The following RAB22A variants were observed in gnomAD, a reference collection of about 807,000 sequenced individuals.
RAB22A encodes RAB22A, member RAS oncogene family, also known as ras-related protein Rab-22A.
Under a neutral mutation model 30.2 loss-of-function variants are expected in RAB22A, and 13 were observed. The ratio of observed to expected loss-of-function variants is 0.43; its 90% CI spans 0.28 to 0.68. The LOEUF is 0.68. Among genes scored for constraint, RAB22A ranks in the 30% least tolerant of loss-of-function variants. The pLI is 0.18. For missense variants in RAB22A, 177 were observed against 246.8 expected (o/e 0.72, Z 1.89); for synonymous variants, 89 against 87.2 (o/e 1.02, Z -0.11).
chr20:58,313,917 A>G (rs1441251362), intron 2 of RAB22A, among the ~76,000 whole-genome samples: 1 of 152,218 alleles, frequency 6.6e-6, no homozygotes, highest in African/African-American at 2.4e-5. Flanking sequence ...CACAAACCCA[A>G]AAATATTTGC....
At chr20:58,330,415 G>A (rs1435993594) in intron 2 of RAB22A, among the ~76,000 whole-genome samples, 8 of 151,426 alleles carry the variant, frequency 5.3e-5, no homozygotes, top group Admixed American at 3.3e-4. Context: ...TCATTCCAGC[G>A]TCTGGATCAT....
At chr20:58,324,737 C>T (rs1600726921) in intron 2 of RAB22A, among the ~76,000 whole-genome samples, 2 of 151,268 alleles carry the variant, frequency 1.3e-5, no homozygotes, top group South Asian at 4.2e-4. Context: ...CATGGGGGCA[C>T]ATGCCTGTAG....
intron 3 of RAB22A, among the ~76,000 whole-genome samples, chr20:58,351,275 G>T (rs532444974): frequency 6.6e-6 from 1 of 151,616 alleles, no homozygotes; most frequent in Admixed American, 6.6e-5. Flanking sequence ...GGCAGAGCTT[G>T]CAGTGAGCCA....
Position 58,354,220 on chromosome 20 carries a change from A to T in RAB22A, c.442A>T (p.Ser148Cys), listed in dbSNP as rs1987098639. 6.2e-7 allele frequency: 1 copy of T among 1,613,824 alleles called. No homozygotes were observed. Residue 148 changes from serine (S) to cysteine (C), a missense_variant, in exon 6 of 7, where the codon AGC becomes TGC. Ser to Cys is a moderately radical substitution (Grantham distance 112). Transcript: ENST00000244040. ...DSIHAIFVET[S>C]AKNAININEL... ...TATTCATGCAATTTTTGTAGAGACC[A>T]GCGCAAAAAACGCGATAAACATAAA...
chr20:58,332,925 T>C (rs1317295828), intron 2 of RAB22A, among the ~76,000 whole-genome samples: 1 of 152,112 alleles, frequency 6.6e-6, no homozygotes, highest in Non-Finnish European at 1.5e-5. Flanking sequence ...CTCTGACTTT[T>C]CAGCACAAAC....
chr20:58,326,981 G>C (rs951494893), intron 2 of RAB22A, among the ~76,000 whole-genome samples: 8 of 152,140 alleles, frequency 5.3e-5, no homozygotes, highest in African/African-American at 1.9e-4. Context: ...AAGTTTTCTT[G>C]TGTTTCTGGT....
At chr20:58,334,467 T>G (rs536996963) in intron 2 of RAB22A, among the ~76,000 whole-genome samples, 5 of 152,034 alleles carry the variant, frequency 3.3e-5, no homozygotes, top group African/African-American at 1.2e-4. Context: ...GCCATATAAA[T>G]AATTATATTG....
intron 2 of RAB22A, among the ~76,000 whole-genome samples, chr20:58,324,904 G>A (rs1300277910): frequency 1.0e-4 from 13 of 126,616 alleles, no homozygotes; most frequent in Non-Finnish European, 1.8e-4. Context: ...CGCCAGGCCC[G>A]GTGGCTCACA....
At chr20:58,351,003 T>C (rs1402853753) in intron 3 of RAB22A, among the ~76,000 whole-genome samples, 1 of 152,184 alleles carries the variant, frequency 6.6e-6, no homozygotes, top group East Asian at 1.9e-4. Context: ...GTCTCTGATA[T>C]TTTACATGAA....
chr20:58,320,676 A>C (rs1986436563), intron 2 of RAB22A, among the ~76,000 whole-genome samples: 1 of 152,110 alleles, frequency 6.6e-6, no homozygotes, highest in Non-Finnish European at 1.5e-5. Context: ...GACTTCTTTG[A>C]GCATTGGTGT....
chr20:58,329,196 G>A (rs2122941306), intron 2 of RAB22A, among the ~76,000 whole-genome samples: 1 of 152,160 alleles, frequency 6.6e-6, no homozygotes, highest in East Asian at 1.9e-4. Context: ...TGGGATTACA[G>A]GCGCCTGCCA....
rs1318122059 is a variant in RAB22A, at chr20:58,315,468, A to G, written c.116+4346A>G. On this transcript the variant is annotated intron_variant, in intron 2 of 6. Transcript: ENST00000244040. ...ATCATGGGGAAGAGCATGGGCCTTGAAGAACCATGCTCCCTAGACTTAGGG... is the reference window on the plus strand; with the variant it reads ...ATCATGGGGAAGAGCATGGGCCTTGGAGAACCATGCTCCCTAGACTTAGGG... 2.0e-5 allele frequency among the ~76,000 whole-genome samples: 3 copies of G among 152,122 alleles called. No homozygotes were observed. The East Asian group carries it at 5.8e-4, about 29-fold the overall frequency.
At chr20:58,318,169 T>TC (rs1986381314) in intron 2 of RAB22A, among the ~76,000 whole-genome samples, 1 of 152,254 alleles carries the variant, frequency 6.6e-6, no homozygotes, top group African/African-American at 2.4e-5. Flanking sequence ...TTTTGCCTAT[T>TC]CTTTTGTAAA....
At position 58,366,486 on chromosome 20, in the gene RAB22A, CAAAGA is replaced by C. The variant is rs1987319567; in HGVS notation, c.*6789_*6793del. ...TAGAAGAATAAGAATATTCCCAACA[CAAAGA>C]AAAGATAAGCGAGGTGAAGGAAATC... is the stretch of plus-strand genomic sequence containing the variant. On this transcript the variant is annotated 3_prime_UTR_variant, in exon 7 of 7. Coordinates refer to ENST00000244040, the MANE Select transcript of RAB22A (RefSeq NM_020673.3). 6.6e-6 allele frequency: 1 copy of C among 152,034 alleles called. No individual in the cohort carries two copies. The highest frequency in any genetic ancestry group is 1.5e-5 in the Non-Finnish European group (1 of 67,994). The allele number at this position is 152,034 out of a possible 1,614,324, so 9.4% of individuals were successfully genotyped here. A position where few individuals can be genotyped will look rare whatever the true frequency, so the allele number is the denominator to read the frequency against.
chr20:58,311,223 A>G (rs1482951070), intron 2 of RAB22A, 101 bp downstream of exon 2: 1 of 1,101,272 alleles, frequency 9.1e-7, no homozygotes, highest in African/African-American at 1.6e-5. Flanking sequence ...TAGTCATTGA[A>G]TTCTGAGTCG....
At chr20:58,322,649 A>G (rs1986483087) in intron 2 of RAB22A, among the ~76,000 whole-genome samples, 1 of 152,014 alleles carries the variant, frequency 6.6e-6, no homozygotes, top group African/African-American at 2.4e-5. Context: ...TCCTTCTTTG[A>G]TATATCAGTC....
chr20:58,320,763 A>G (rs1315485964), intron 2 of RAB22A, among the ~76,000 whole-genome samples: 6 of 152,154 alleles, frequency 3.9e-5, no homozygotes, highest in Admixed American at 3.9e-4. Flanking sequence ...TCTAGCTTAA[A>G]TCTATTGCGG....
intron 2 of RAB22A, among the ~76,000 whole-genome samples, chr20:58,339,831 AGT>A (rs1986824342): frequency 6.6e-6 from 1 of 152,126 alleles, no homozygotes; most frequent in Non-Finnish European, 1.5e-5. Context: ...GATTTGGAAA[AGT>A]GCTGTTCTCA....
intron 2 of RAB22A, among the ~76,000 whole-genome samples, chr20:58,343,444 T>A (rs1986891028): frequency 6.6e-6 from 1 of 152,176 alleles, no homozygotes; most frequent in Non-Finnish European, 1.5e-5. Flanking sequence ...GGGAGGCTAA[T>A]GTCTGTGTTG....
Sources: gnomAD v4.1 joint callset for allele counts (sites outside exome capture counted in the v4.1 genomes callset) on GRCh38, gnomAD v4.1.1 for gene constraint, MANE v1.5 for transcripts, NCBI Gene and HGNC (gene_info 2026-07-23, HGNC 2026-07-21) for gene names.